PARVG: variants seen among roughly 807,000 people sequenced by gnomAD.
PARVG encodes gamma-parvin.
In PARVG, 36 loss-of-function variants were observed where a neutral mutation model predicts 44.4. The observed-to-expected ratio is 0.81, with a 90% CI of 0.62 to 1.07. PARVG has a LOEUF of 1.07. Among genes scored for constraint, PARVG ranks in the 50% least tolerant of loss-of-function variants. PARVG has a pLI of 0.00. For missense variants in PARVG, 407 were observed against 407.4 expected (o/e 1.00, Z 0.01); for synonymous variants, 170 against 174.1 (o/e 0.98, Z 0.19).
chr22:44,178,155 G>T (rs926401128), upstream of PARVG, among the ~76,000 whole-genome samples: 2 of 152,260 alleles, frequency 1.3e-5, no homozygotes, highest in South Asian at 4.1e-4. Flanking sequence ...ACCCAGTCTT[G>T]GGTATGTCTG....
At position 44,208,356 on chromosome 22, in the gene PARVG, C is replaced by T. The variant is rs1273490406; in HGVS notation, c.*1930C>T. 1 of 152,236 alleles carries T rather than the reference C, an allele frequency of 6.6e-6. No individual in the cohort carries two copies. The highest frequency in any genetic ancestry group is 2.4e-5 in the African/African-American group (1 of 41,454). 9.4% of individuals were successfully genotyped at this position (152,236 alleles called of 1,614,324 possible). On this transcript the variant is annotated 3_prime_UTR_variant, in exon 14 of 14. Coordinates refer to ENST00000444313, the MANE Select transcript of PARVG (RefSeq NM_022141.7). ...CCCATCACCATGCAAGTTTCTGCATCTGTCTGCAGCCAGTTCCCTTCTCCC... is the reference window on the plus strand; with the variant it reads ...CCCATCACCATGCAAGTTTCTGCATTTGTCTGCAGCCAGTTCCCTTCTCCC...
chr22:44,203,519 G>A (rs2054737344), intron 12 of PARVG, among the ~76,000 whole-genome samples: 1 of 152,190 alleles, frequency 6.6e-6, no homozygotes, highest in African/African-American at 2.4e-5. Flanking sequence ...TTTGGGAGAT[G>A]CTGGCTCGCT....
chr22:44,176,414 G>A (rs573483270), upstream of PARVG, among the ~76,000 whole-genome samples: 102 of 152,208 alleles, frequency 6.7e-4, no homozygotes, highest in South Asian at 0.021. Context: ...ATTTTTTCTT[G>A]ATATTTTTAA....
chr22:44,190,151 G>T (rs546924446), intron 6 of PARVG, among the ~76,000 whole-genome samples: 2 of 152,154 alleles, frequency 1.3e-5, no homozygotes, highest in Non-Finnish European at 2.9e-5. Context: ...GCCTGCATTC[G>T]CAGCCTGTAA....
At chr22:44,176,026 A>G (rs142143619), upstream of PARVG, among the ~76,000 whole-genome samples, 1,082 of 152,252 alleles carry the variant, frequency 7.1e-3, 7 homozygotes, top group South Asian at 0.014. Context: ...CGAAACATCC[A>G]CACAGGGTTC....
In PARVG at chr22:44,185,828, C is replaced by T. The variant is rs550686401; in HGVS notation, c.100C>T (p.Pro34Ser). The T allele has an allele frequency of 1.9e-6, 3 of 1,613,594 alleles. No individual in the cohort carries two copies. Among genetic ancestry groups the T allele is most frequent in the South Asian group, 2.2e-5 (2 of 91,056 alleles). Reference protein sequence around the residue: ...LSKGGKKKYLPPTSRKDPKFE... With the variant: ...LSKGGKKKYLSPTSRKDPKFE... Reference sequence around the variant, plus strand: ...TCCAGGAGGAAAGAAGAAATACCTGCCACCCACTTCCCGGAAGGACCCCAA... The same window carrying T: ...TCCAGGAGGAAAGAAGAAATACCTGTCACCCACTTCCCGGAAGGACCCCAA... The change falls in exon 4 of 14, where the codon CCA becomes TCA. Residue 34 changes from proline (P) to serine (S), a missense_variant. Physicochemically the swap from Pro to Ser is moderately conservative, Grantham distance 74 (BLOSUM62 -1). Transcript: ENST00000444313.
intron 1 of PARVG, 90 bp downstream of exon 1, chr22:44,181,275 TG>T: frequency 1.1e-6 from 1 of 937,988 alleles, no homozygotes; most frequent in Non-Finnish European, 1.3e-6. Flanking sequence ...TTTGAGTGAG[TG>T]GGGTCAGGAA....
At chr22:44,193,866 G>A (rs2054583446) in intron 9 of PARVG, 43 bp downstream of exon 9, 1 of 1,608,168 alleles carries the variant, frequency 6.2e-7, no homozygotes, top group African/African-American at 1.3e-5. Flanking sequence ...CCTATCTGAT[G>A]CGTGTTAATG....
At chr22:44,177,814 C>T (rs935121426), upstream of PARVG, among the ~76,000 whole-genome samples, 7 of 152,058 alleles carry the variant, frequency 4.6e-5, no homozygotes, top group Admixed American at 1.3e-4. Flanking sequence ...CGCAGTGAGC[C>T]GTGATCACAC....
intron 11 of PARVG, among the ~76,000 whole-genome samples, chr22:44,197,694 C>T (rs772852860): frequency 6.6e-5 from 10 of 152,200 alleles, no homozygotes; most frequent in Non-Finnish European, 1.5e-4. Context: ...TTCTCTGAAC[C>T]TCAGGCTCTT....
intron 4 of PARVG, chr22:44,186,975 C>T (rs758807407): frequency 3.5e-5 from 10 of 289,164 alleles, no homozygotes; most frequent in Admixed American, 8.1e-5. Flanking sequence ...TTCCCTGGCA[C>T]TCTGACCTTT....
In PARVG at chr22:44,207,204, G is replaced by C. The variant is rs1033587567; in HGVS notation, c.*778G>C. 1 of 139,646 alleles carries C rather than the reference G, an allele frequency of 7.2e-6. No homozygotes were observed. Among genetic ancestry groups the C allele is most frequent in the African/African-American group, 2.8e-5 (1 of 36,164 alleles). 8.7% of individuals were successfully genotyped at this position (139,646 alleles called of 1,614,324 possible). ...GCATCCAGAGTGGGGCAGAGCTGATGGCTGATGGGAACCGGGGAGGAGGCT... is the reference window on the plus strand; with the variant it reads ...GCATCCAGAGTGGGGCAGAGCTGATCGCTGATGGGAACCGGGGAGGAGGCT... On this transcript the variant is annotated 3_prime_UTR_variant, in exon 14 of 14. Coordinates refer to ENST00000444313, the MANE Select transcript of PARVG (RefSeq NM_022141.7).
intron 6 of PARVG, 120 bp downstream of exon 6, chr22:44,189,374 G>A: frequency 6.9e-7 from 1 of 1,443,882 alleles, no homozygotes. Context: ...GGTACAACCT[G>A]GGAGTCAGGA....
chr22:44,207,456 GGTGGGGAGGAGTGGGACTT>G lies in PARVG; in HGVS notation c.*1059_*1077del, dbSNP rs1253114252. 79 of 144,416 alleles carry G rather than the reference GGTGGGGAGGAGTGGGACTT, an allele frequency of 5.5e-4. No individual in the cohort carries two copies. Among genetic ancestry groups the G allele is most frequent in the African/African-American group, 1.9e-3 (72 of 38,874 alleles). 8.9% of individuals were successfully genotyped at this position (144,416 alleles called of 1,614,324 possible). A position where few individuals can be genotyped will look rare whatever the true frequency, so the allele number is the denominator to read the frequency against. On this transcript the variant is annotated 3_prime_UTR_variant, in exon 14 of 14. Transcript: ENST00000444313. Reference sequence around the variant, plus strand: ...AGGCTGGTGGGGAGGGCTGGGGCCTGGTGGGGAGGAGTGGGACTTGTGGGGAGGAGTGGGACTTGTGGGG... The same window carrying G: ...AGGCTGGTGGGGAGGGCTGGGGCCTGGTGGGGAGGAGTGGGACTTGTGGGG...
upstream of PARVG, among the ~76,000 whole-genome samples, chr22:44,176,811 C>T (rs1362500860): frequency 1.3e-5 from 2 of 152,026 alleles, no homozygotes; most frequent in East Asian, 1.9e-4. Context: ...GTGGACTCAC[C>T]GTTCCACATG....
At chr22:44,204,729 C>T (rs1434542785) in intron 12 of PARVG, among the ~76,000 whole-genome samples, 1 of 152,238 alleles carries the variant, frequency 6.6e-6, no homozygotes, top group Non-Finnish European at 1.5e-5. Flanking sequence ...GCACAGCTGA[C>T]CCCCGGGCTG....
At chr22:44,185,906 G>A in intron 4 of PARVG, 34 bp downstream of exon 4, 1 of 1,591,670 alleles carries the variant, frequency 6.3e-7, no homozygotes, top group South Asian at 1.1e-5. Flanking sequence ...ACTTCCCTGG[G>A]TGCCTCTTGG....
In PARVG at chr22:44,182,305, C is replaced by T. The variant is rs1432534135; in HGVS notation, c.-13+388C>T. ...GGCAGGGGGTTTGCCCAACGTCACACAGCCTGAGTGAGGAGGAGCTGGCCT... is the reference window on the plus strand; with the variant it reads ...GGCAGGGGGTTTGCCCAACGTCACATAGCCTGAGTGAGGAGGAGCTGGCCT... On this transcript the variant is annotated intron_variant, in intron 2 of 13. Transcript: ENST00000444313. The surrounding 1 kb of genome is among the most constrained non-coding windows in gnomAD (Gnocchi z 4.6). Among the ~76,000 whole-genome samples the T allele has an allele frequency of 6.6e-6, 1 of 152,214 alleles. No individual in the cohort carries two copies. Among genetic ancestry groups the T allele is most frequent in the Non-Finnish European group, 1.5e-5 (1 of 68,032 alleles).
At chr22:44,190,989 C>A (rs939140333) in intron 7 of PARVG, among the ~76,000 whole-genome samples, 1 of 152,192 alleles carries the variant, frequency 6.6e-6, no homozygotes, top group Non-Finnish European at 1.5e-5. Context: ...CTGAGCCATG[C>A]GTGGCCGTCC....
Sources: gnomAD v4.1 joint callset for allele counts (sites outside exome capture counted in the v4.1 genomes callset) on GRCh38, gnomAD v4.1.1 for gene constraint, Gnocchi (gnomAD v3.1) non-coding constraint, MANE v1.5 for transcripts, NCBI Gene and HGNC (gene_info 2026-07-23, HGNC 2026-07-21) for gene names.